The following IGDCC3 variants were observed in gnomAD, a reference collection of about 807,000 sequenced individuals.
The protein encoded by IGDCC3 is putative neuronal cell adhesion molecule.
A neutral mutation model predicts 72.0 loss-of-function variants in IGDCC3; 47 were observed. The ratio of observed to expected loss-of-function variants is 0.65; its 90% CI spans 0.52 to 0.83. The LOEUF (loss-of-function observed/expected upper bound fraction) is 0.83, where lower values mean the gene tolerates loss of function less well. IGDCC3 is among the 40% of genes least tolerant of loss of function. The probability of loss-of-function intolerance (pLI) is 0.00; values close to 1 mark genes in which losing one functional copy is unlikely to be tolerated. For missense variants in IGDCC3, 1,038 were observed against 1,091.3 expected, an observed-to-expected ratio of 0.95 and a Z score of 0.69; for synonymous variants, 477 against 472.8, an observed-to-expected ratio of 1.01 and a Z score of -0.11.
In IGDCC3 at chr15:65,327,391, G is replaced by A. The variant is rs1428494193; in HGVS notation, c.*1518C>T. 6.6e-6 allele frequency: 1 copy of A among 152,194 alleles called. No homozygotes were observed. Among genetic ancestry groups the A allele is most frequent in the Non-Finnish European group, 1.5e-5 (1 of 68,034 alleles). The allele number at this position is 152,194 out of a possible 1,614,324, so 9.4% of individuals were successfully genotyped here. ...CGCGGACACAGCTCTAGTTTTCTAG[G>A]AAAACACCACAAATTCTATCTTCTT... On this transcript the variant is annotated 3_prime_UTR_variant, in exon 14 of 14. Coordinates refer to ENST00000327987, the MANE Select transcript of IGDCC3 (RefSeq NM_004884.4).
In IGDCC3 at chr15:65,328,230, T is replaced by G. The variant is rs2090937196; in HGVS notation, c.*679A>C. 6.6e-6 allele frequency: 1 copy of G among 151,850 alleles called. No individual in the cohort carries two copies. The highest frequency in any genetic ancestry group is 1.5e-5 in the Non-Finnish European group (1 of 67,976). 9.4% of individuals were successfully genotyped at this position (151,850 alleles called of 1,614,324 possible). A position where few individuals can be genotyped will look rare whatever the true frequency, so the allele number is the denominator to read the frequency against. ...GCCAGCGAGCCTTGAGGTAGACATT[T>G]TCTTTCACATCTGGAAATGGGGAAG... On this transcript the variant is annotated 3_prime_UTR_variant, in exon 14 of 14. Transcript: ENST00000327987.
chr15:65,371,245 T>C (rs1179107980), intron 2 of IGDCC3, among the ~76,000 whole-genome samples: 5 of 152,226 alleles, frequency 3.3e-5, no homozygotes, highest in African/African-American at 1.2e-4. Context: ...TTTAGACCCA[T>C]CACCTCATTT....
chr15:65,353,767 G>A (rs991190367), intron 2 of IGDCC3, among the ~76,000 whole-genome samples: 10 of 152,040 alleles, frequency 6.6e-5, no homozygotes, highest in Admixed American at 4.6e-4. Context: ...GCAACATCAG[G>A]AAGTTACCCT....
At position 65,339,524 on chromosome 15, in the gene IGDCC3, A is replaced by G. The variant is rs548342953; in HGVS notation, c.410-3568T>C. On this transcript the variant is annotated intron_variant, in intron 2 of 13. Transcript: ENST00000327987. This position sits in a 1 kb window ranked among gnomAD's most constrained non-coding sequence, Gnocchi z 4.1. ...TCTCAGGGTGGAACATGTTTGATTC[A>G]CAAGTGTGTTTATGCCCTGGCTTGT... is the stretch of plus-strand genomic sequence containing the variant. Among the ~76,000 whole-genome samples, 1 of 152,292 alleles carries G rather than the reference A, an allele frequency of 6.6e-6. No homozygotes were observed. Among genetic ancestry groups the G allele is most frequent in the Admixed American group, 6.5e-5 (1 of 15,298 alleles).
chr15:65,353,842 C>T (rs538027389), intron 2 of IGDCC3, among the ~76,000 whole-genome samples: 1 of 152,166 alleles, frequency 6.6e-6, no homozygotes. Context: ...CAAGAAATAA[C>T]CATAAAAATG....
At chr15:65,338,161 G>T (rs564573850) in intron 2 of IGDCC3, among the ~76,000 whole-genome samples, 1 of 152,152 alleles carries the variant, frequency 6.6e-6, no homozygotes, top group Non-Finnish European at 1.5e-5. Flanking sequence ...TCTGATATCC[G>T]TCACTGTGCA....
Position 65,377,758 on chromosome 15 carries a change from G to C in IGDCC3, c.31C>G (p.Arg11Gly). MAVQRAASPRRPPAPLWPRLL... is the reference protein window; with the variant it reads MAVQRAASPRGPPAPLWPRLL... ...CGGGGCCAGAGCGGGGCGGGCGGGC[G>C]GCGCGGAGACGCGGCGCGCTGCACA... The change falls in exon 1 of 14, where the codon CGC (arginine) becomes GGC (glycine). Residue 11 changes from arginine (R) to glycine (G), a missense_variant. Coordinates refer to ENST00000327987, the MANE Select transcript of IGDCC3 (RefSeq NM_004884.4). This position sits in a 1 kb window ranked among gnomAD's most constrained non-coding sequence, Gnocchi z 4.9. 7.6e-7 allele frequency: 1 copy of C among 1,308,332 alleles called. No homozygotes were observed. The highest frequency in any genetic ancestry group is 9.7e-7 in the Non-Finnish European group (1 of 1,034,434). The allele number at this position is 1,308,332 out of a possible 1,614,324, so 81.0% of individuals were successfully genotyped here.
intron 2 of IGDCC3, among the ~76,000 whole-genome samples, chr15:65,370,618 G>GTGTATATATATGTA (rs1206953635): frequency 5.3e-5 from 3 of 56,872 alleles, no homozygotes; most frequent in Non-Finnish European, 7.1e-5. Context: ...ATATATGTAT[G>GTGTATATATATGTA]TGTATATATA....
intron 2 of IGDCC3, among the ~76,000 whole-genome samples, chr15:65,345,750 G>A (rs924746604): frequency 6.6e-6 from 1 of 152,118 alleles, no homozygotes; most frequent in Admixed American, 6.6e-5. Context: ...GGCCATCAAG[G>A]GGCAAAGGTT....
In IGDCC3 at chr15:65,377,775, CGCT is replaced by C; in HGVS notation, c.11_13del (p.Gln4del). 1 of 1,291,896 alleles carries C rather than the reference CGCT, an allele frequency of 7.7e-7. No homozygotes were observed. Among genetic ancestry groups the C allele is most frequent in the Non-Finnish European group, 9.8e-7 (1 of 1,024,818 alleles). The allele number at this position is 1,291,896 out of a possible 1,614,324, so 80.0% of individuals were successfully genotyped here. ...GGGCGGGCGGCGCGGAGACGCGGCGCGCTGCACAGCCATGGGGCTCTCGGTCAG... is the reference window on the plus strand; with the variant it reads ...GGGCGGGCGGCGCGGAGACGCGGCGCGCACAGCCATGGGGCTCTCGGTCAG... On this transcript the variant is annotated inframe_deletion, in exon 1 of 14. Coordinates refer to ENST00000327987, the MANE Select transcript of IGDCC3 (RefSeq NM_004884.4). This position sits in a 1 kb window ranked among gnomAD's most constrained non-coding sequence, Gnocchi z 4.9.
At chr15:65,362,855 T>C (rs909480243) in intron 2 of IGDCC3, among the ~76,000 whole-genome samples, 4 of 136,330 alleles carry the variant, frequency 2.9e-5, no homozygotes, top group Non-Finnish European at 4.8e-5. Flanking sequence ...GATTTTTTTT[T>C]TTTTTTTTTT....
rs970363087 is a variant in IGDCC3, at chr15:65,331,057, C to T, written c.1554G>A (p.Leu518=). 1.2e-6 allele frequency: 2 copies of T among 1,613,608 alleles called. No individual in the cohort carries two copies. The highest frequency in any genetic ancestry group is 2.7e-5 in the African/African-American group (2 of 75,056). ...TCCACACCCAGGCCTCACCTTCACCCAGGGTGCTAGCTAGGGTGGGCACAG... is the reference window on the plus strand; with the variant it reads ...TCCACACCCAGGCCTCACCTTCACCTAGGGTGCTAGCTAGGGTGGGCACAG... The part of the protein sequence containing the change: ...SASVPTLAST[L]GEAPAPPPLS... Residue 518 remains leucine (L), a synonymous_variant, in exon 9 of 14, where the codon CTG becomes CTA. Coordinates refer to ENST00000327987, the MANE Select transcript of IGDCC3 (RefSeq NM_004884.4).
intron 4 of IGDCC3, 107 bp downstream of exon 4, chr15:65,335,184 C>T (rs2091016241): frequency 1.1e-5 from 14 of 1,248,512 alleles, no homozygotes; most frequent in African/African-American, 1.5e-5. Context: ...TCTGCACGCA[C>T]GTGGCTGAGA....
intron 2 of IGDCC3, among the ~76,000 whole-genome samples, chr15:65,358,745 C>T (rs1204802473): frequency 6.6e-6 from 1 of 152,132 alleles, no homozygotes; most frequent in Non-Finnish European, 1.5e-5. Context: ...ACTGCAGCCT[C>T]GAACTCCTGG....
At chr15:65,365,730 T>C (rs561085058) in intron 2 of IGDCC3, among the ~76,000 whole-genome samples, 3 of 151,938 alleles carry the variant, frequency 2.0e-5, no homozygotes, top group African/African-American at 7.3e-5. Flanking sequence ...GAAATCCCAC[T>C]CTAGACAAGG....
chr15:65,377,576 C>A lies in IGDCC3; in HGVS notation c.103+110G>T. 1 of 1,132,950 alleles carries A rather than the reference C, an allele frequency of 8.8e-7. No individual in the cohort carries two copies. The highest frequency in any genetic ancestry group is 3.5e-5 in the East Asian group (1 of 28,354). 70.2% of individuals were successfully genotyped at this position (1,132,950 alleles called of 1,614,324 possible). On this transcript the variant is annotated intron_variant, in intron 1 of 13. Coordinates refer to ENST00000327987, the MANE Select transcript of IGDCC3 (RefSeq NM_004884.4). This position sits in a 1 kb window ranked among gnomAD's most constrained non-coding sequence, Gnocchi z 4.9. ...GGGTCCCCCCCGCGCGGGGTCCGCC[C>A]TCAGGTCCGCGCCGCTCTCCCCGGG...
chr15:65,336,954 A>G (rs1453524195), intron 2 of IGDCC3, among the ~76,000 whole-genome samples: 1 of 152,120 alleles, frequency 6.6e-6, no homozygotes, highest in Non-Finnish European at 1.5e-5. Flanking sequence ...CCAGGCAGGC[A>G]GCCCCTCGTC....
Position 65,329,760 on chromosome 15 carries a change from A to G in IGDCC3, c.1963T>C (p.Cys655Arg), listed in dbSNP as rs760735314. ...IHIGVTCIIF[C>R]VLFLLFGQRG... is the part of the protein sequence containing the mutation. ...TGGCCGAACAGGAGGAAGAGGACAC[A>G]GAAGATGATGCAAGTGACCCCGATG... The change falls in exon 12 of 14, where the codon TGT becomes CGT. Residue 655 changes from cysteine to arginine, a missense_variant. Transcript: ENST00000327987. This position sits in a 1 kb window ranked among gnomAD's most constrained non-coding sequence, Gnocchi z 4.1. The G allele has an allele frequency of 6.2e-7, 1 of 1,614,024 alleles. No homozygotes were observed. Among genetic ancestry groups the G allele is most frequent in the African/African-American group, 1.3e-5 (1 of 74,918 alleles).
rs1000063700 is a variant in IGDCC3 at position 65,364,298 on chromosome 15, G to A, written c.409+10799C>T. On this transcript the variant is annotated intron_variant, in intron 2 of 13. Transcript: ENST00000327987. ...ATTTAATTAATCATTCTGGGATTTC[G>A]TTTACTCATCTGTAAAACAGGGCTA... Among the ~76,000 whole-genome samples the A allele has an allele frequency of 1.2e-4, 18 of 152,296 alleles. 1 individual carries two copies. In the East Asian group the frequency reaches 3.1e-3, roughly 26 times the overall value.
Sources: gnomAD v4.1 joint callset for allele counts (sites outside exome capture counted in the v4.1 genomes callset) on GRCh38, gnomAD v4.1.1 for gene constraint, Gnocchi (gnomAD v3.1) non-coding constraint, MANE v1.5 for transcripts, NCBI Gene and HGNC (gene_info 2026-07-23, HGNC 2026-07-21) for gene names.